Variants in LNPEP observed in about 807,000 individuals in gnomAD.
The protein encoded by LNPEP is leucyl and cystinyl aminopeptidase.
Under a neutral mutation model 120.6 loss-of-function variants are expected in LNPEP, and 64 were observed. The ratio of observed to expected loss-of-function variants is 0.53; its 90% CI spans 0.43 to 0.65. LNPEP has a LOEUF of 0.65. Among genes scored for constraint, LNPEP ranks in the 30% least tolerant of loss-of-function variants. The pLI is 0.00. For missense variants in LNPEP, 1,057 were observed against 1,200.0 expected, an observed-to-expected ratio of 0.88 and a Z score of 1.76; for synonymous variants, 435 against 425.4, an observed-to-expected ratio of 1.02 and a Z score of -0.28.
At chr5:96,950,897 G>A (rs534894635) in intron 1 of LNPEP, among the ~76,000 whole-genome samples, 35 of 152,194 alleles carry the variant, frequency 2.3e-4, no homozygotes, top group South Asian at 1.0e-3. Context: ...CATAGTATAG[G>A]CAGTGTAGTA....
chr5:96,987,812 C>G (rs1790277771), intron 4 of LNPEP, among the ~76,000 whole-genome samples: 2 of 152,152 alleles, frequency 1.3e-5, no homozygotes, highest in Non-Finnish European at 2.9e-5. Flanking sequence ...TGGCTTAAAT[C>G]TGAAATAATT....
chr5:97,021,988 A>G (rs1285143324), intron 13 of LNPEP, among the ~76,000 whole-genome samples: 1 of 128,566 alleles, frequency 7.8e-6, no homozygotes, highest in Non-Finnish European at 1.5e-5. Flanking sequence ...CTGGCATGCA[A>G]TGATGCTATC....
At chr5:96,949,029 G>A (rs146306033) in intron 1 of LNPEP, among the ~76,000 whole-genome samples, 11 of 152,180 alleles carry the variant, frequency 7.2e-5, no homozygotes, top group Non-Finnish European at 1.2e-4. Flanking sequence ...ATTAGCAGTG[G>A]TCTAAGATAA....
chr5:97,021,902 T>TTTTTTTG (rs1361723957), intron 13 of LNPEP, among the ~76,000 whole-genome samples: 3 of 150,802 alleles, frequency 2.0e-5, no homozygotes, highest in East Asian at 3.9e-4. Flanking sequence ...GTCCTGGGGT[T>TTTTTTTG]TTTTTTGTTT....
intron 11 of LNPEP, chr5:97,010,957 G>A (rs773081726): frequency 8.2e-5 from 81 of 985,242 alleles, no homozygotes; most frequent in Non-Finnish European, 9.4e-5. Flanking sequence ...TCTTTGTGCT[G>A]TTGGCTGTAC....
intron 4 of LNPEP, among the ~76,000 whole-genome samples, chr5:96,992,798 G>A (rs1188181480): frequency 6.6e-6 from 1 of 151,504 alleles, no homozygotes; most frequent in African/African-American, 2.4e-5. Context: ...GGTGGGGCGG[G>A]GTTGGAATCA....
chr5:97,003,410 A>G lies in LNPEP; in HGVS notation c.1654-5A>G. On this transcript the variant is annotated splice_polypyrimidine_tract_variant and splice_region_variant and intron_variant, in intron 8 of 17. Transcript: ENST00000231368. ...TTTCTTTTTCCTCACTTTTTTTTTT[A>G]ATAGGGATCTTCTCTCTTGTTGATG... The G allele has an allele frequency of 6.8e-7, 1 of 1,481,054 alleles. No individual in the cohort carries two copies. Among genetic ancestry groups the G allele is most frequent in the Non-Finnish European group, 9.2e-7 (1 of 1,092,620 alleles). The allele number at this position is 1,481,054 out of a possible 1,614,324, so 91.7% of individuals were successfully genotyped here.
At chr5:96,944,039 T>G (rs1048162708) in intron 1 of LNPEP, among the ~76,000 whole-genome samples, 3 of 152,108 alleles carry the variant, frequency 2.0e-5, no homozygotes, top group African/African-American at 7.2e-5. Context: ...ATGGGTTGGG[T>G]GTGCTCCCTT....
chr5:96,988,148 A>C (rs1790285636), intron 4 of LNPEP, among the ~76,000 whole-genome samples: 7 of 137,668 alleles, frequency 5.1e-5, no homozygotes, highest in African/African-American at 8.3e-5. Flanking sequence ...CTTCCTCTTC[A>C]CTCTCTCTCT....
intron 2 of LNPEP, 106 bp from the exon 3 acceptor site, chr5:96,984,974 T>C: frequency 8.1e-7 from 1 of 1,227,972 alleles, no homozygotes; most frequent in Non-Finnish European, 1.2e-6. Flanking sequence ...TTATTGCAGA[T>C]CCTTTAGTAA....
intron 1 of LNPEP, among the ~76,000 whole-genome samples, chr5:96,967,924 C>T (rs997314691): frequency 3.3e-5 from 5 of 152,210 alleles, no homozygotes; most frequent in Non-Finnish European, 5.9e-5. Flanking sequence ...TTTATAATTG[C>T]AGTTTACTTA....
intron 1 of LNPEP, among the ~76,000 whole-genome samples, chr5:96,970,244 G>T (rs1789829153): frequency 6.6e-6 from 1 of 151,876 alleles, no homozygotes; most frequent in Non-Finnish European, 1.5e-5. Context: ...TTGTCTACTT[G>T]TTCTATCAGT....
chr5:96,999,350 A>T (rs1790591013), intron 8 of LNPEP, among the ~76,000 whole-genome samples: 2 of 152,214 alleles, frequency 1.3e-5, no homozygotes, highest in Non-Finnish European at 1.5e-5. Flanking sequence ...CTGGGCAGGG[A>T]AAGTACTTAA....
Position 96,979,565 on chromosome 5 carries a change from A to G in LNPEP, c.447A>G (p.Gly149=), listed in dbSNP as rs746905930. ...GCCATAAAAAAAACCAGTCAATTGG[A>G]CTAATTCAGCCATTTGCAACAAATG... The part of the protein sequence containing the change: ...EGCHKKNQSI[G]LIQPFATNGK... The change falls in exon 2 of 18, where the codon GGA becomes GGG. Residue 149 remains glycine (G), a synonymous_variant. Coordinates refer to ENST00000231368, the MANE Select transcript of LNPEP (RefSeq NM_005575.3). 7.4e-6 allele frequency: 12 copies of G among 1,613,938 alleles called. No homozygotes were observed. In the African/African-American group the frequency reaches 1.5e-4, roughly 20 times the overall value.
chr5:97,029,978 A>T lies in LNPEP; in HGVS notation c.*1445A>T, dbSNP rs1219209807. ...TATATTTTGTTTGAAAACAGTTTCT[A>T]TGTACATAAAAAGGGTATTTACCCA... On this transcript the variant is annotated 3_prime_UTR_variant, in exon 18 of 18. Transcript: ENST00000231368. 2 of 152,126 alleles carry T rather than the reference A, an allele frequency of 1.3e-5. No individual in the cohort carries two copies. The highest frequency in any genetic ancestry group is 3.8e-4 in the East Asian group (2 of 5,204). The allele number at this position is 152,126 out of a possible 1,614,324, so 9.4% of individuals were successfully genotyped here.
chr5:96,972,396 T>G (rs1215603463), intron 1 of LNPEP, among the ~76,000 whole-genome samples: 1 of 152,084 alleles, frequency 6.6e-6, no homozygotes, highest in East Asian at 1.9e-4. Context: ...TTGCTCTGGC[T>G]GGGTTGACCT....
intron 1 of LNPEP, among the ~76,000 whole-genome samples, chr5:96,948,570 T>A (rs1255323154): frequency 6.6e-6 from 1 of 152,238 alleles, no homozygotes; most frequent in Non-Finnish European, 1.5e-5. Flanking sequence ...CATTAAAATA[T>A]TCCTTTACTG....
At chr5:96,939,216 C>CT (rs34230118) in intron 1 of LNPEP, among the ~76,000 whole-genome samples, 53,992 of 139,322 alleles carry the variant, frequency 0.39, 10,526 homozygotes, top group Non-Finnish European at 0.43. Context: ...TGTATACTTT[C>CT]TTTTTTTTTT....
At chr5:96,951,987 A>C (rs946182923) in intron 1 of LNPEP, among the ~76,000 whole-genome samples, 3 of 152,098 alleles carry the variant, frequency 2.0e-5, no homozygotes, top group Admixed American at 2.0e-4. Context: ...TTGGTTTTAG[A>C]ATCTCCTTTA....
Sources: gnomAD v4.1 joint callset for allele counts (sites outside exome capture counted in the v4.1 genomes callset) on GRCh38, gnomAD v4.1.1 for gene constraint, MANE v1.5 for transcripts, NCBI Gene and HGNC (gene_info 2026-07-23, HGNC 2026-07-21) for gene names.